The following ATR variants were observed in gnomAD, a reference collection of about 807,000 sequenced individuals.
The protein encoded by ATR is serine/threonine-protein kinase ATR.
In ATR, 142 loss-of-function variants were observed where a neutral mutation model predicts 305.3. That is an observed-to-expected ratio of 0.47 (90% CI 0.41 to 0.53). The LOEUF (loss-of-function observed/expected upper bound fraction) is 0.53, where lower values mean the gene tolerates loss of function less well. ATR is among the 20% of genes least tolerant of loss of function. The pLI is 0.00. For synonymous variants in ATR, 1,050 were observed against 1,068.1 expected (o/e 0.98, Z 0.33); for missense variants, 2,135 against 3,133.1 (o/e 0.68, Z 7.60).
intron 36 of ATR, among the ~76,000 whole-genome samples, chr3:142,481,307 G>C (rs2030457874): frequency 6.6e-6 from 1 of 152,208 alleles, no homozygotes; most frequent in Non-Finnish European, 1.5e-5. Flanking sequence ...GAGATGAGAT[G>C]ATCATATGGT....
chr3:142,461,955 G>GAA lies in ATR; in HGVS notation c.7176_7177insTT (p.Leu2393PhefsTer10). The stretch of plus-strand genomic sequence containing the variant: ...ATTTTAGTACCCTTTTCTTTATATA[G>GAA]TTTGGTCAGAATAGGTCTCAAACCA... On this transcript the variant is annotated frameshift_variant, in exon 42 of 47. Coordinates refer to ENST00000350721, the MANE Select transcript of ATR (RefSeq NM_001184.4). LOFTEE classifies it high-confidence loss of function. 1 of 1,613,406 alleles carries GAA rather than the reference G, an allele frequency of 6.2e-7. No homozygotes were observed. The highest frequency in any genetic ancestry group is 8.5e-7 in the Non-Finnish European group (1 of 1,179,676).
chr3:142,513,099 A>G (rs2032660176), intron 26 of ATR, among the ~76,000 whole-genome samples: 1 of 152,330 alleles, frequency 6.6e-6, no homozygotes. Flanking sequence ...AAGACTAAAT[A>G]TAAAAACAGA....
chr3:142,517,003 A>ATATATATATATATATATATATATATG (rs2032895864), intron 24 of ATR, among the ~76,000 whole-genome samples: 1 of 148,696 alleles, frequency 6.7e-6, no homozygotes, highest in African/African-American at 2.5e-5. Flanking sequence ...ATATATATAT[A>ATATATATATATATATATATATATATG]TATACATATT....
intron 13 of ATR, among the ~76,000 whole-genome samples, chr3:142,552,486 A>G (rs989814537): frequency 1.2e-4 from 19 of 152,090 alleles, no homozygotes; most frequent in African/African-American, 4.6e-4. Flanking sequence ...CTTGGCCAAC[A>G]TGGTGAAACC....
chr3:142,574,879 C>T (rs1005057830), intron 1 of ATR, among the ~76,000 whole-genome samples: 3 of 152,258 alleles, frequency 2.0e-5, no homozygotes, highest in Admixed American at 1.3e-4. Flanking sequence ...GCACTGGAAA[C>T]TGTAAGAGGC....
intron 41 of ATR, among the ~76,000 whole-genome samples, chr3:142,462,504 T>G (rs917695525): frequency 6.6e-6 from 1 of 151,906 alleles, no homozygotes; most frequent in Non-Finnish European, 1.5e-5. Context: ...AGTCTTGCTC[T>G]GTCGCCCAAG....
intron 27 of ATR, among the ~76,000 whole-genome samples, chr3:142,510,924 ATTC>A (rs1577600459): frequency 1.3e-5 from 2 of 152,326 alleles, no homozygotes; most frequent in East Asian, 3.9e-4. Flanking sequence ...TTAAATCAAG[ATTC>A]TTCTTAGTGA....
At chr3:142,450,468 A>G in intron 46 of ATR, 1 of 1,601,496 alleles carries the variant, frequency 6.2e-7, no homozygotes, top group East Asian at 2.2e-5. Context: ...TTACTCACTT[A>G]ATGAGGTCCA....
intron 1 of ATR, among the ~76,000 whole-genome samples, chr3:142,578,257 GA>G (rs1166231570): frequency 6.6e-6 from 1 of 152,182 alleles, no homozygotes; most frequent in African/African-American, 2.4e-5. Flanking sequence ...ACAAAGAACA[GA>G]AACTGATGGG....
Position 142,459,088 on chromosome 3 carries a change from C to T in ATR, c.7373G>A (p.Cys2458Tyr), listed in dbSNP as rs2108260578. ...TSWYSSRSAY[C>Y]RSTAVMSMVG... Reference sequence around the variant, plus strand: ...CATTGACATTACTGCAGTGGAACGGCAGTAAGCTGATCTACTACTGTACCT... The same window carrying T: ...CATTGACATTACTGCAGTGGAACGGTAGTAAGCTGATCTACTACTGTACCT... The change falls in exon 44 of 47, where the codon TGC becomes TAC. Residue 2458 changes from cysteine to tyrosine, a missense_variant. Around this residue, in one of 9 missense-constraint regions of ATR, gnomAD observed 462 missense variants for 887.6 expected, o/e 0.52. Transcript: ENST00000350721. 6.2e-7 allele frequency: 1 copy of T among 1,613,994 alleles called. No individual in the cohort carries two copies. The highest frequency in any genetic ancestry group is 8.5e-7 in the Non-Finnish European group (1 of 1,179,886).
intron 15 of ATR, among the ~76,000 whole-genome samples, chr3:142,548,565 A>C (rs1177566138): frequency 6.6e-6 from 1 of 151,752 alleles, no homozygotes; most frequent in African/African-American, 2.4e-5. Context: ...GCTACTCAGG[A>C]GGCTAAGGCA....
intron 35 of ATR, among the ~76,000 whole-genome samples, chr3:142,486,343 G>GC (rs2030923008): frequency 6.6e-6 from 1 of 152,128 alleles, no homozygotes; most frequent in Non-Finnish European, 1.5e-5. Context: ...TGTGGCACAT[G>GC]CTAGGTTCAT....
intron 1 of ATR, among the ~76,000 whole-genome samples, chr3:142,572,606 C>G (rs1162478336): frequency 6.6e-6 from 1 of 151,494 alleles, no homozygotes; most frequent in Non-Finnish European, 1.5e-5. Context: ...AACCCTGTCT[C>G]TACAAAAGAA....
At chr3:142,480,756 C>T (rs1473290782) in intron 36 of ATR, among the ~76,000 whole-genome samples, 3 of 152,234 alleles carry the variant, frequency 2.0e-5, no homozygotes, top group African/African-American at 7.2e-5. Context: ...TTTCCAGCCA[C>T]TTTGTTTACC....
rs775198036 is a variant in ATR, at chr3:142,466,421, A to G, written c.6800T>C (p.Ile2267Thr). 4.3e-6 allele frequency: 7 copies of G among 1,613,826 alleles called. No homozygotes were observed. The East Asian group carries it at 1.3e-4, about 31-fold the overall frequency. The change falls in exon 40 of 47, where the codon ATA becomes ACA. Residue 2267 changes from isoleucine (I) to threonine (T), a missense_variant. Transcript: ENST00000350721. ...ACCCAGAATTGATGGAAGTGTAGGT[A>G]TCATGACTGATTGTAGAGGAATGAG... ...EILIPLQSVM[I>T]PTLPSILGTH...
chr3:142,522,897 G>T (rs370863296), intron 22 of ATR, 56 bp from the exon 23 acceptor site: 1 of 1,302,602 alleles, frequency 7.7e-7, no homozygotes, highest in South Asian at 1.2e-5. Flanking sequence ...AATTTTCTTA[G>T]GTGTACTGCT....
chr3:142,529,508 G>A (rs962733489), intron 21 of ATR, among the ~76,000 whole-genome samples: 9 of 151,776 alleles, frequency 5.9e-5, no homozygotes, highest in Admixed American at 4.6e-4. Context: ...TATATATTTC[G>A]TTAAATACAT....
Position 142,497,095 on chromosome 3 carries a change from G to A in ATR, c.5656C>T (p.Arg1886Ter), listed in dbSNP as rs141429029. The A allele has an allele frequency of 1.9e-6, 3 of 1,613,990 alleles. No homozygotes were observed. Among genetic ancestry groups the A allele is most frequent in the South Asian group, 1.1e-5 (1 of 91,056 alleles). ...TAGGAATTCTGGGTCATTTCTAGTC[G>A]AGCTACCCAGTTTAGAGAATCTTCT... ...SQEDSLNWVARLEMTQNSYRA... is the reference protein window; with the variant it reads ...SQEDSLNWVA The change falls in exon 33 of 47, where the codon CGA becomes TGA. Residue 1886 changes from arginine to a stop codon, truncating the protein, a stop_gained. Coordinates refer to ENST00000350721, the MANE Select transcript of ATR (RefSeq NM_001184.4). LOFTEE classifies it high-confidence loss of function.
intron 1 of ATR, among the ~76,000 whole-genome samples, chr3:142,571,152 G>T (rs549010579): frequency 6.6e-6 from 1 of 152,262 alleles, no homozygotes; most frequent in East Asian, 1.9e-4. Flanking sequence ...AGTTGCTGGG[G>T]AGAGGAGAGG....
Sources: gnomAD v4.1 joint callset for allele counts (sites outside exome capture counted in the v4.1 genomes callset) on GRCh38, gnomAD v4.1.1 for gene constraint, gnomAD v4.1.1 regional missense constraint, MANE v1.5 for transcripts, NCBI Gene and HGNC (gene_info 2026-07-23, HGNC 2026-07-21) for gene names.